The following SLC6A17 variants were observed in gnomAD, a reference collection of about 807,000 sequenced individuals.
The protein encoded by SLC6A17 is solute carrier family 6 member 17, also known as sodium-dependent neutral amino acid transporter SLC6A17.
In SLC6A17, 21 loss-of-function variants were observed where a neutral mutation model predicts 64.5. That is an observed-to-expected ratio of 0.33 (90% CI 0.23 to 0.47). The LOEUF is 0.47. SLC6A17 is among the 20% of genes least tolerant of loss of function. SLC6A17 has a pLI of 1.00. For missense variants in SLC6A17, 682 were observed against 963.2 expected (o/e 0.71, Z 3.86); for synonymous variants, 372 against 399.5 (o/e 0.93, Z 0.82).
At chr1:110,156,378 A>G (rs547236039) in intron 1 of SLC6A17, among the ~76,000 whole-genome samples, 9 of 152,316 alleles carry the variant, frequency 5.9e-5, no homozygotes, top group Admixed American at 3.9e-4. Flanking sequence ...CATGTGGCCC[A>G]GAAATAATGA....
rs549320253 is a variant in SLC6A17 at position 110,185,505 on chromosome 1, G to A, written c.865-6467G>A. Among the ~76,000 whole-genome samples the A allele has an allele frequency of 3.3e-5, 5 of 152,320 alleles. No individual in the cohort carries two copies. In the South Asian group the frequency reaches 6.2e-4, roughly 19 times the overall value. On this transcript the variant is annotated intron_variant, in intron 6 of 11. Transcript: ENST00000331565. ...GGCTCAAAAGCATCATCATGCCCAC[G>A]AGTCAAACGCCTTGATACACTTTGT...
At chr1:110,162,192 A>C (rs116175095) in intron 1 of SLC6A17, among the ~76,000 whole-genome samples, 3,933 of 152,248 alleles carry the variant, frequency 0.026, 173 homozygotes, top group African/African-American at 0.089. Context: ...CCAGCTACTA[A>C]GGGGGGGATA....
At chr1:110,195,320 C>T (rs991791112) in intron 9 of SLC6A17, among the ~76,000 whole-genome samples, 17 of 152,254 alleles carry the variant, frequency 1.1e-4, no homozygotes, top group African/African-American at 4.1e-4. Context: ...AGTAGCGCAC[C>T]TGCCACGGGC....
intron 4 of SLC6A17, among the ~76,000 whole-genome samples, chr1:110,174,575 C>T (rs972642402): frequency 2.0e-5 from 3 of 152,166 alleles, no homozygotes; most frequent in African/African-American, 7.2e-5. Flanking sequence ...GCTGGTGTGT[C>T]CTGAAGCCTC....
intron 3 of SLC6A17, 49 bp downstream of exon 3, chr1:110,172,266 C>A: frequency 6.5e-7 from 1 of 1,533,764 alleles, no homozygotes; most frequent in Non-Finnish European, 8.8e-7. Context: ...GGGGGCTGCT[C>A]CTGGGCATTG....
intron 3 of SLC6A17, among the ~76,000 whole-genome samples, chr1:110,173,559 C>T (rs943921258): frequency 1.3e-5 from 2 of 152,214 alleles, no homozygotes; most frequent in African/African-American, 4.8e-5. Context: ...AAAAGCACAG[C>T]AGTCTGGGTT....
At chr1:110,188,833 T>C (rs1025313484) in intron 6 of SLC6A17, among the ~76,000 whole-genome samples, 1 of 152,160 alleles carries the variant, frequency 6.6e-6, no homozygotes, top group African/African-American at 2.4e-5. Context: ...ATTGCCTCCA[T>C]TTCCTCCCCT....
In SLC6A17 at chr1:110,192,113, G is replaced by T; in HGVS notation, c.1006G>T (p.Val336Leu). ...CAACTGCCACTTCGATGCCGCCCTG[G>T]TGTCCTTCATCAACTTCTTCACGTC... ...DNNCHFDAAL[V>L]SFINFFTSVL... The change falls in exon 7 of 12, where the codon GTG becomes TTG. Residue 336 changes from valine (V) to leucine (L), a missense_variant. Around this residue, in one of 3 missense-constraint regions of SLC6A17, gnomAD observed 415 missense variants for 603.8 expected, o/e 0.69. Transcript: ENST00000331565. The surrounding 1 kb of genome is among the most constrained non-coding windows in gnomAD (Gnocchi z 4.3). 6.2e-7 allele frequency: 1 copy of T among 1,614,202 alleles called. No individual in the cohort carries two copies. The highest frequency in any genetic ancestry group is 8.5e-7 in the Non-Finnish European group (1 of 1,180,038).
intron 2 of SLC6A17, among the ~76,000 whole-genome samples, chr1:110,168,473 C>T (rs924744060): frequency 2.6e-5 from 4 of 152,210 alleles, no homozygotes; most frequent in African/African-American, 9.7e-5. Flanking sequence ...ATCTTTCCCC[C>T]ATAGCATGTT....
chr1:110,182,573 G>A (rs1324791469), intron 6 of SLC6A17, among the ~76,000 whole-genome samples: 8 of 151,866 alleles, frequency 5.3e-5, no homozygotes, highest in Non-Finnish European at 1.0e-4. Flanking sequence ...GAGGCTGAGG[G>A]CGGGATAGCT....
intron 2 of SLC6A17, among the ~76,000 whole-genome samples, chr1:110,170,848 T>G (rs937211871): frequency 1.3e-5 from 2 of 149,118 alleles, no homozygotes; most frequent in Admixed American, 6.7e-5. Flanking sequence ...TAGTCTGTGG[T>G]GTGTGTGTGT....
At chr1:110,197,721 A>T in intron 11 of SLC6A17, 122 bp downstream of exon 11, 1 of 1,155,606 alleles carries the variant, frequency 8.7e-7, no homozygotes, top group Non-Finnish European at 1.2e-6. Flanking sequence ...CAGGTGCCTC[A>T]CACCTAAACC....
intron 8 of SLC6A17, among the ~76,000 whole-genome samples, chr1:110,193,634 G>A (rs1656885447): frequency 1.3e-5 from 2 of 152,172 alleles, no homozygotes; most frequent in South Asian, 4.1e-4. Context: ...TCCTAATGCT[G>A]AGGGAGCTGC....
intron 3 of SLC6A17, 76 bp from the exon 4 acceptor site, chr1:110,173,897 T>G: frequency 2.0e-6 from 3 of 1,528,740 alleles, no homozygotes; most frequent in Non-Finnish European, 2.6e-6. Flanking sequence ...GCCGACGTGC[T>G]GGGCCTCGGG....
intron 1 of SLC6A17, among the ~76,000 whole-genome samples, chr1:110,152,059 G>A (rs1057099538): frequency 3.3e-5 from 5 of 152,180 alleles, no homozygotes; most frequent in African/African-American, 4.8e-5. Flanking sequence ...TGCTGGACAC[G>A]CTCACTGATG....
Position 110,194,571 on chromosome 1 carries a change from AC to A in SLC6A17, c.1300-6del, listed in dbSNP as rs764064975. ...CCTCACAGGCCCTGCTTTCCACCCCACCTTCAGTCCGTGCAGGGCACAGGCC... is the reference window on the plus strand; with the variant it reads ...CCTCACAGGCCCTGCTTTCCACCCCACTTCAGTCCGTGCAGGGCACAGGCC... On this transcript the variant is annotated splice_region_variant and splice_polypyrimidine_tract_variant and intron_variant, in intron 8 of 11. Transcript: ENST00000331565. 6.2e-7 allele frequency: 1 copy of A among 1,611,118 alleles called. No homozygotes were observed.
rs527668736 is a variant in SLC6A17 at position 110,176,871 on chromosome 1, G to A, written c.864+132G>A. The A allele has an allele frequency of 1.0e-5, 8 of 783,294 alleles. No homozygotes were observed. The East Asian group carries it at 1.9e-4, about 18-fold the overall frequency. The allele number at this position is 783,294 out of a possible 1,614,324, so 48.5% of individuals were successfully genotyped here. A position where few individuals can be genotyped will look rare whatever the true frequency, so the allele number is the denominator to read the frequency against. On this transcript the variant is annotated intron_variant, in intron 6 of 11. Coordinates refer to ENST00000331565, the MANE Select transcript of SLC6A17 (RefSeq NM_001010898.4). ...GTGTTGGGTATCGTACCAGGCCCTG[G>A]AGAGATGCACAGGGAAGGGGGCATG...
chr1:110,195,684 C>T lies in SLC6A17; in HGVS notation c.1591C>T (p.Pro531Ser). The T allele has an allele frequency of 6.2e-7, 1 of 1,614,252 alleles. No individual in the cohort carries two copies. The change falls in exon 10 of 12, where the codon CCA (proline) becomes TCA (serine). Residue 531 changes from proline to serine, a missense_variant. Coordinates refer to ENST00000331565, the MANE Select transcript of SLC6A17 (RefSeq NM_001010898.4). ...TMFDDYSATL[P>S]LTLIVILENI... is the part of the protein sequence containing the mutation. ...GTTCGATGACTACTCGGCCACCCTGCCACTCACTCTCATCGTCATCCTTGA... is the reference window on the plus strand; with the variant it reads ...GTTCGATGACTACTCGGCCACCCTGTCACTCACTCTCATCGTCATCCTTGA...
intron 4 of SLC6A17, among the ~76,000 whole-genome samples, 187 bp downstream of exon 4, chr1:110,174,286 T>C (rs1431168863): frequency 2.0e-5 from 3 of 152,230 alleles, no homozygotes; most frequent in South Asian, 2.1e-4. Context: ...TCTGACAGGA[T>C]TGAATAAGAC....
Sources: allele counts gnomAD v4.1 joint callset (sites outside exome capture counted in the v4.1 genomes callset), GRCh38; gene constraint gnomAD v4.1.1; regional missense constraint gnomAD v4.1.1; non-coding constraint Gnocchi (gnomAD v3.1); transcripts MANE v1.5; gene names NCBI Gene and HGNC (gene_info 2026-07-23, HGNC 2026-07-21).